The following CNBD1 variants were observed in gnomAD, a reference collection of about 807,000 sequenced individuals.
CNBD1 encodes cyclic nucleotide-binding domain-containing protein 1.
In CNBD1, 71 loss-of-function variants were observed where a neutral mutation model predicts 54.4. The observed-to-expected ratio is 1.30, with a 90% CI of 1.08 to 1.59. CNBD1 has a LOEUF of 1.59. Ranked by LOEUF, CNBD1 falls within the 40% of genes most tolerant of loss-of-function variation. CNBD1 has a pLI of 0.00. For missense variants in CNBD1, 659 were observed against 518.0 expected, an observed-to-expected ratio of 1.27 and a Z score of -2.64; for synonymous variants, 182 against 170.7, an observed-to-expected ratio of 1.07 and a Z score of -0.51.
At chr8:87,335,966 C>T (rs1809937989) in intron 8 of CNBD1, among the ~76,000 whole-genome samples, 1 of 152,106 alleles carries the variant, frequency 6.6e-6, no homozygotes, top group Non-Finnish European at 1.5e-5. Context: ...GCTTCTGAAG[C>T]TTAGTTTGGC....
chr8:87,404,483 G>A (rs1175762223), intron 2 of CNBD1, among the ~76,000 whole-genome samples: 1 of 152,062 alleles, frequency 6.6e-6, no homozygotes, highest in Non-Finnish European at 1.5e-5. Context: ...CACAGAACAA[G>A]ATTTATGGTG....
chr8:87,095,999 T>G (rs1811312374), intron 4 of CNBD1, among the ~76,000 whole-genome samples: 1 of 152,166 alleles, frequency 6.6e-6, no homozygotes, highest in African/African-American at 2.4e-5. Flanking sequence ...CTTTCTTAAC[T>G]GAATGTAACC....
At chr8:86,957,454 G>A (rs1434374242) in intron 4 of CNBD1, among the ~76,000 whole-genome samples, 1 of 152,080 alleles carries the variant, frequency 6.6e-6, no homozygotes, top group African/African-American at 2.4e-5. Context: ...GAATCCAGCT[G>A]GTCCTGGACT....
chr8:87,214,714 G>A (rs1035289504), intron 5 of CNBD1, among the ~76,000 whole-genome samples: 1 of 152,208 alleles, frequency 6.6e-6, no homozygotes, highest in African/African-American at 2.4e-5. Flanking sequence ...AATCATGGCA[G>A]AGGGCAAAGT....
At chr8:87,273,495 G>A (rs1023209973) in intron 6 of CNBD1, among the ~76,000 whole-genome samples, 8 of 152,098 alleles carry the variant, frequency 5.3e-5, no homozygotes, top group East Asian at 1.9e-4. Context: ...GCAAATAGGA[G>A]TACTTGAGAT....
intron 6 of CNBD1, among the ~76,000 whole-genome samples, chr8:87,260,359 T>G (rs543656188): frequency 2.2e-4 from 34 of 152,282 alleles, no homozygotes; most frequent in African/African-American, 7.5e-4. Flanking sequence ...CAGCAAAGTT[T>G]GTTAGTGACC....
At position 87,426,553 on chromosome 8, in the gene CNBD1, A is replaced by G. The variant is rs61024781; in HGVS notation, c.214-1993A>G. On this transcript the variant is annotated intron_variant, in intron 2 of 7. Transcript: ENST00000521593. Reference sequence around the variant, plus strand: ...CAATAACAGAAACTTATAATGAGGTAATTATCCACTTTTACTTTTTTATCA... The same window carrying G: ...CAATAACAGAAACTTATAATGAGGTGATTATCCACTTTTACTTTTTTATCA... Among the ~76,000 whole-genome samples, 5 of 152,308 alleles carry G rather than the reference A, an allele frequency of 3.3e-5. No individual in the cohort carries two copies. In the East Asian group the frequency reaches 9.6e-4, roughly 29 times the overall value.
At chr8:86,983,988 T>A (rs1343166741) in intron 4 of CNBD1, among the ~76,000 whole-genome samples, 1 of 152,140 alleles carries the variant, frequency 6.6e-6, no homozygotes, top group East Asian at 1.9e-4. Context: ...CCAGGGCATG[T>A]CAGAGACTTT....
intron 4 of CNBD1, among the ~76,000 whole-genome samples, chr8:87,132,810 T>C (rs1039350513): frequency 1.1e-4 from 16 of 145,976 alleles, no homozygotes; most frequent in Non-Finnish European, 1.6e-4. Flanking sequence ...TATATATACA[T>C]ATATATATAC....
rs576634530 is a variant in CNBD1 at position 87,272,097 on chromosome 8, G to T, written c.772-12581G>T. Among the ~76,000 whole-genome samples, 10 of 151,728 alleles carry T rather than the reference G, an allele frequency of 6.6e-5. No homozygotes were observed. The South Asian group carries it at 8.3e-4, about 13-fold the overall frequency. Reference sequence around the variant, plus strand: ...GTTATCAGAGGCCAAGAAGGGTGGGGGTGATGTGTGGTGAAGAGAGGTTGA... The same window carrying T: ...GTTATCAGAGGCCAAGAAGGGTGGGTGTGATGTGTGGTGAAGAGAGGTTGA... On this transcript the variant is annotated intron_variant, in intron 6 of 10. Coordinates refer to ENST00000518476, the MANE Select transcript of CNBD1 (RefSeq NM_173538.3).
chr8:87,081,526 A>C (rs1354577440), intron 4 of CNBD1, among the ~76,000 whole-genome samples: 1 of 132,084 alleles, frequency 7.6e-6, no homozygotes, highest in African/African-American at 2.7e-5. Context: ...TTTTTTTTTG[A>C]GATGGAGTCT....
At chr8:87,194,464 A>G (rs564649377) in intron 4 of CNBD1, among the ~76,000 whole-genome samples, 1 of 152,294 alleles carries the variant, frequency 6.6e-6, no homozygotes, top group South Asian at 2.1e-4. Flanking sequence ...TTTTGGATAT[A>G]TTCTTAATTA....
chr8:87,097,156 T>TCA (rs1197961376), intron 4 of CNBD1, among the ~76,000 whole-genome samples: 2 of 152,218 alleles, frequency 1.3e-5, no homozygotes, highest in Non-Finnish European at 2.9e-5. Flanking sequence ...CCTTGTGCAA[T>TCA]GAGTCTTGTA....
At chr8:86,997,096 G>T (rs1353545315) in intron 4 of CNBD1, among the ~76,000 whole-genome samples, 1 of 152,140 alleles carries the variant, frequency 6.6e-6, no homozygotes, top group Non-Finnish European at 1.5e-5. Context: ...CAAACATTCA[G>T]ACCATAGCAA....
intron 8 of CNBD1, among the ~76,000 whole-genome samples, chr8:87,324,333 G>A (rs1004998808): frequency 7.9e-6 from 1 of 126,498 alleles, no homozygotes; most frequent in Non-Finnish European, 1.8e-5. Flanking sequence ...GAGTTAGGGA[G>A]GATTCCCTCT....
At chr8:87,300,571 G>A (rs1419773490) in intron 8 of CNBD1, among the ~76,000 whole-genome samples, 1 of 152,076 alleles carries the variant, frequency 6.6e-6, no homozygotes, top group Non-Finnish European at 1.5e-5. Context: ...CATATAAAAT[G>A]ACATATATAG....
intron 4 of CNBD1, among the ~76,000 whole-genome samples, chr8:87,113,495 A>G (rs1373885176): frequency 6.6e-6 from 1 of 152,198 alleles, no homozygotes; most frequent in Non-Finnish European, 1.5e-5. Context: ...TTGCTTTATA[A>G]TGGGTGCTAA....
chr8:87,051,078 G>A lies in CNBD1; in HGVS notation c.431+111324G>A, dbSNP rs1045802192. On this transcript the variant is annotated intron_variant, in intron 4 of 10. Coordinates refer to ENST00000518476, the MANE Select transcript of CNBD1 (RefSeq NM_173538.3). ...CATTAGGATGGCAGCTCACATATGG[G>A]CTAGAATATCCCTGCCTAGCAAAGG... Among the ~76,000 whole-genome samples, 20 of 152,254 alleles carry A rather than the reference G, an allele frequency of 1.3e-4. No homozygotes were observed. In the East Asian group the frequency reaches 3.5e-3, roughly 26 times the overall value.
chr8:86,959,274 C>G (rs1807865690), intron 4 of CNBD1, among the ~76,000 whole-genome samples: 1 of 152,162 alleles, frequency 6.6e-6, no homozygotes, highest in Non-Finnish European at 1.5e-5. Context: ...CTCTGGCTGC[C>G]CTTAACATTT....
Sources: allele counts gnomAD v4.1 joint callset (sites outside exome capture counted in the v4.1 genomes callset), GRCh38; gene constraint gnomAD v4.1.1; transcripts MANE v1.5; gene names NCBI Gene and HGNC (gene_info 2026-07-23, HGNC 2026-07-21).